Variants in DCDC1 observed in about 807,000 individuals in gnomAD.
DCDC1 encodes the protein doublecortin domain containing 1.
In DCDC1, 200 loss-of-function variants were observed where a neutral mutation model predicts 178.3. The observed-to-expected ratio is 1.12, with a 90% CI of 1.00 to 1.26. The LOEUF (loss-of-function observed/expected upper bound fraction) is 1.26. Ranked by LOEUF, DCDC1 falls within the 50% of genes most tolerant of loss-of-function variation. The probability of loss-of-function intolerance (pLI) is 0.00; values close to 1 mark genes in which losing one functional copy is unlikely to be tolerated. For missense variants in DCDC1, 1,983 were observed against 1,749.2 expected (o/e 1.13, Z -2.38); for synonymous variants, 690 against 604.8 (o/e 1.14, Z -2.07).
At chr11:31,004,143 G>A (rs939533065) in intron 20 of DCDC1, among the ~76,000 whole-genome samples, 5 of 152,096 alleles carry the variant, frequency 3.3e-5, no homozygotes. Flanking sequence ...TATTTCTGAG[G>A]AGGATATATA....
intron 8 of DCDC1, 153 bp from the exon 9 acceptor site, chr11:31,241,769 TA>T (rs1253388442): frequency 5.2e-6 from 2 of 384,144 alleles, no homozygotes; most frequent in Non-Finnish European, 9.2e-6. Context: ...CCTGCGTTAC[TA>T]GTGGCCACCA....
intron 21 of DCDC1, among the ~76,000 whole-genome samples, chr11:30,940,105 T>G (rs1947535395): frequency 6.6e-6 from 1 of 152,216 alleles, no homozygotes; most frequent in South Asian, 2.1e-4. Context: ...TATATTCATA[T>G]CTTTTATTCT....
intron 1 of DCDC1, among the ~76,000 whole-genome samples, chr11:31,341,551 C>T (rs1412118325): frequency 6.6e-6 from 1 of 152,142 alleles, no homozygotes; most frequent in Non-Finnish European, 1.5e-5. Context: ...TACTATACAC[C>T]TAGCCTCTAT....
intron 20 of DCDC1, among the ~76,000 whole-genome samples, chr11:31,004,960 GGATGAATGTTCA>G (rs1361492500): frequency 6.6e-6 from 1 of 152,028 alleles, no homozygotes; most frequent in African/African-American, 2.4e-5. Flanking sequence ...ATATGTAATT[GGATGAATGTTCA>G]GTTCTTCCTG....
At chr11:31,260,417 A>C (rs1368708534) in intron 8 of DCDC1, among the ~76,000 whole-genome samples, 1 of 152,196 alleles carries the variant, frequency 6.6e-6, no homozygotes, top group Non-Finnish European at 1.5e-5. Flanking sequence ...AATATCCTGT[A>C]CTTAATCTAA....
chr11:30,943,616 C>A (rs952836566), intron 21 of DCDC1: 9 of 450,428 alleles, frequency 2.0e-5, no homozygotes, highest in Middle Eastern at 3.3e-4. Flanking sequence ...TTTCAATTCA[C>A]AACTTTTCCC....
intron 11 of DCDC1, among the ~76,000 whole-genome samples, chr11:31,124,627 C>T (rs907692635): frequency 1.2e-4 from 18 of 152,038 alleles, no homozygotes; most frequent in African/African-American, 4.3e-4. Flanking sequence ...AGAAATAAGG[C>T]CACACACCTA....
chr11:31,056,028 A>G (rs988886666), intron 20 of DCDC1, among the ~76,000 whole-genome samples: 1 of 152,196 alleles, frequency 6.6e-6, no homozygotes, highest in African/African-American at 2.4e-5. Context: ...AAAAATACGT[A>G]TAGAACTAAA....
intron 1 of DCDC1, among the ~76,000 whole-genome samples, chr11:31,349,251 T>A (rs1484328510): frequency 6.6e-6 from 1 of 152,230 alleles, no homozygotes; most frequent in Non-Finnish European, 1.5e-5. Flanking sequence ...TATCACTTTA[T>A]TATCCTGTCA....
chr11:31,271,499 C>T (rs1385271830), intron 7 of DCDC1, among the ~76,000 whole-genome samples: 1 of 152,186 alleles, frequency 6.6e-6, no homozygotes, highest in Non-Finnish European at 1.5e-5. Context: ...TTAGATTTGT[C>T]CATGCTCTCT....
intron 9 of DCDC1, among the ~76,000 whole-genome samples, chr11:31,227,821 A>G (rs1226594240): frequency 6.6e-6 from 1 of 152,120 alleles, no homozygotes; most frequent in Non-Finnish European, 1.5e-5. Context: ...ACATTATTTT[A>G]TAATAACATT....
At chr11:31,216,486 A>G (rs1973578599) in intron 9 of DCDC1, among the ~76,000 whole-genome samples, 3 of 152,194 alleles carry the variant, frequency 2.0e-5, no homozygotes, top group South Asian at 4.1e-4. Flanking sequence ...GCAGATCTAC[A>G]CTGTAGAATC....
chr11:31,218,885 G>T (rs1366026430), intron 9 of DCDC1, among the ~76,000 whole-genome samples: 7 of 152,114 alleles, frequency 4.6e-5, no homozygotes, highest in Admixed American at 4.6e-4. Flanking sequence ...AATTTGGTGG[G>T]TAGATATGTA....
intron 23 of DCDC1, among the ~76,000 whole-genome samples, chr11:30,925,072 C>CAAAA (rs375902731): frequency 8.7e-6 from 1 of 115,056 alleles, no homozygotes; most frequent in African/African-American, 3.2e-5. Context: ...AACTCCATCT[C>CAAAA]AAAAAAAAAA....
At chr11:31,245,984 T>G (rs775660822) in intron 8 of DCDC1, among the ~76,000 whole-genome samples, 21 of 151,966 alleles carry the variant, frequency 1.4e-4, no homozygotes, top group South Asian at 6.2e-4. Context: ...ACCACAAAGC[T>G]AATCAAATTT....
intron 11 of DCDC1, among the ~76,000 whole-genome samples, chr11:31,120,475 C>T (rs2135883033): frequency 6.6e-6 from 1 of 152,218 alleles, no homozygotes; most frequent in East Asian, 1.9e-4. Flanking sequence ...CCTGAATTGC[C>T]AACACTCCAT....
chr11:31,115,980 G>GT (rs1491381854), intron 11 of DCDC1, among the ~76,000 whole-genome samples: 6 of 84,680 alleles, frequency 7.1e-5, no homozygotes, highest in African/African-American at 3.5e-4. Context: ...AGCTGTGGCA[G>GT]TGGGGGGGGG....
At chr11:31,328,941 A>G (rs1270782416) in intron 2 of DCDC1, among the ~76,000 whole-genome samples, 1 of 140,690 alleles carries the variant, frequency 7.1e-6, no homozygotes. Context: ...AGCACACCAC[A>G]AGGCTTTTTT....
At chr11:31,234,740 T>A (rs185278622) in intron 9 of DCDC1, among the ~76,000 whole-genome samples, 47 of 152,274 alleles carry the variant, frequency 3.1e-4, no homozygotes, top group Non-Finnish European at 5.3e-4. Context: ...GGGCCCAGGA[T>A]GTTGACAGAA....
Sources: gnomAD v4.1 joint callset for allele counts (sites outside exome capture counted in the v4.1 genomes callset) on GRCh38, gnomAD v4.1.1 for gene constraint, MANE v1.5 for transcripts, NCBI Gene and HGNC (gene_info 2026-07-23, HGNC 2026-07-21) for gene names.